The following RIMS2 variants were observed in gnomAD, a reference collection of about 807,000 sequenced individuals.
RIMS2 encodes the protein regulating synaptic membrane exocytosis protein 2.
In RIMS2, 59 loss-of-function variants were observed where a neutral mutation model predicts 174.4. The observed-to-expected ratio is 0.34, with a 90% CI of 0.27 to 0.42. RIMS2 has a LOEUF of 0.42. Ranked by LOEUF, RIMS2 falls within the 10% of genes least tolerant of loss-of-function variation. The pLI is 1.00. For synonymous variants in RIMS2, 606 were observed against 572.5 expected (o/e 1.06, Z -0.84); for missense variants, 1,620 against 1,666.3 (o/e 0.97, Z 0.48).
intron 1 of RIMS2, among the ~76,000 whole-genome samples, chr8:103,673,780 T>A (rs2096774992): frequency 6.6e-6 from 1 of 152,238 alleles, no homozygotes; most frequent in South Asian, 2.1e-4. Flanking sequence ...ATATCTCTAG[T>A]AAGTTGTTGC....
chr8:103,817,191 T>C (rs1173918952), intron 3 of RIMS2, among the ~76,000 whole-genome samples: 4 of 152,124 alleles, frequency 2.6e-5, no homozygotes, highest in African/African-American at 9.7e-5. Context: ...TTGAGGTAAA[T>C]GGAAGAAGCC....
intron 1 of RIMS2, among the ~76,000 whole-genome samples, chr8:103,686,651 G>A (rs1590320263): frequency 6.6e-6 from 1 of 152,184 alleles, no homozygotes; most frequent in South Asian, 2.1e-4. Context: ...TATTTGTAAG[G>A]TATTACTCTT....
chr8:103,849,646 C>G (rs570061317), intron 3 of RIMS2, among the ~76,000 whole-genome samples: 1 of 152,000 alleles, frequency 6.6e-6, no homozygotes, highest in East Asian at 1.9e-4. Flanking sequence ...GTGCTACTTT[C>G]CAGTGGAGGT....
At chr8:103,608,502 A>G (rs111557368) in intron 1 of RIMS2, among the ~76,000 whole-genome samples, 204 of 129,578 alleles carry the variant, frequency 1.6e-3, no homozygotes, top group African/African-American at 2.3e-3. Context: ...GGCCTCCTTG[A>G]GCTGTGGTGG....
intron 1 of RIMS2, among the ~76,000 whole-genome samples, chr8:103,506,385 C>T (rs1823622670): frequency 6.6e-6 from 1 of 152,230 alleles, no homozygotes; most frequent in African/African-American, 2.4e-5. Context: ...ACCAGATGAA[C>T]TTTGACTTGA....
intron 1 of RIMS2, among the ~76,000 whole-genome samples, chr8:103,647,671 T>C (rs1834571): frequency 0.81 from 123,528 of 151,976 alleles, 50,712 homozygotes; most frequent in African/African-American, 0.92. Context: ...TGTGTCCAGA[T>C]ATTATTTGTT....
intron 19 of RIMS2, among the ~76,000 whole-genome samples, chr8:104,191,832 T>C (rs946026727): frequency 3.3e-5 from 5 of 152,178 alleles, no homozygotes; most frequent in African/African-American, 1.2e-4. Flanking sequence ...TTTGAATTCC[T>C]GGCCTCAGCC....
intron 19 of RIMS2, among the ~76,000 whole-genome samples, chr8:104,024,398 G>GAT (rs915212025): frequency 1.3e-5 from 2 of 152,142 alleles, no homozygotes; most frequent in African/African-American, 4.8e-5. Context: ...AATTCTGGAG[G>GAT]ATAACTACCT....
chr8:103,509,166 A>C (rs1244266905), intron 1 of RIMS2, among the ~76,000 whole-genome samples: 2 of 152,118 alleles, frequency 1.3e-5, no homozygotes, highest in African/African-American at 4.8e-5. Context: ...AAGAAAGGAC[A>C]AAGAACAAAG....
intron 1 of RIMS2, among the ~76,000 whole-genome samples, chr8:103,576,146 T>TAGCCAGCCTTCCC (rs1431290024): frequency 6.6e-6 from 1 of 152,200 alleles, no homozygotes; most frequent in African/African-American, 2.4e-5. Context: ...CATGAATCCC[T>TAGCCAGCCTTCCC]AGCCAGCCTT....
At chr8:103,650,304 CT>C (rs542125884) in intron 1 of RIMS2, among the ~76,000 whole-genome samples, 1 of 152,078 alleles carries the variant, frequency 6.6e-6, no homozygotes, top group South Asian at 2.1e-4. Flanking sequence ...TTTCTGGAAG[CT>C]TTTTTTCAGT....
intron 3 of RIMS2, among the ~76,000 whole-genome samples, chr8:103,797,405 T>C (rs917745661): frequency 6.6e-6 from 1 of 152,206 alleles, no homozygotes; most frequent in African/African-American, 2.4e-5. Flanking sequence ...CAAGTTAAGG[T>C]TCTAGAAATG....
At chr8:103,680,783 C>A (rs1209347883) in intron 1 of RIMS2, among the ~76,000 whole-genome samples, 1 of 151,796 alleles carries the variant, frequency 6.6e-6, no homozygotes, top group Non-Finnish European at 1.5e-5. Context: ...AATGGGACAT[C>A]AATTAATACC....
intron 19 of RIMS2, among the ~76,000 whole-genome samples, chr8:104,194,079 G>A (rs1028986886): frequency 9.2e-5 from 14 of 152,172 alleles, no homozygotes; most frequent in Middle Eastern, 3.4e-3. Flanking sequence ...CAATGGCTAC[G>A]TTATTTTTCA....
intron 19 of RIMS2, among the ~76,000 whole-genome samples, chr8:104,123,340 G>A (rs1419415283): frequency 6.6e-6 from 1 of 151,848 alleles, no homozygotes. Context: ...CTGGTACACA[G>A]AAAAATCATC....
At chr8:103,815,774 C>G (rs957562603) in intron 3 of RIMS2, among the ~76,000 whole-genome samples, 1 of 152,008 alleles carries the variant, frequency 6.6e-6, no homozygotes, top group South Asian at 2.1e-4. Context: ...ATTCAGGTAC[C>G]AGTAATTTGA....
chr8:103,630,369 T>A (rs1354907457), intron 1 of RIMS2, among the ~76,000 whole-genome samples: 1 of 151,730 alleles, frequency 6.6e-6, no homozygotes, highest in Non-Finnish European at 1.5e-5. Flanking sequence ...CCTTCAAGAG[T>A]TAAGGTGAAA....
intron 14 of RIMS2, among the ~76,000 whole-genome samples, chr8:103,959,340 A>AT (rs1274906303): frequency 6.6e-6 from 1 of 151,994 alleles, no homozygotes; most frequent in African/African-American, 2.4e-5. Context: ...TGTTATTACT[A>AT]TTTTTATACT....
chr8:103,784,926 G>A (rs1386330206), intron 3 of RIMS2, among the ~76,000 whole-genome samples: 2 of 138,342 alleles, frequency 1.4e-5, no homozygotes, highest in Admixed American at 7.3e-5. Context: ...CCATTTGTTT[G>A]TATCCTCTTT....
Sources: gnomAD v4.1 joint callset for allele counts (sites outside exome capture counted in the v4.1 genomes callset) on GRCh38, gnomAD v4.1.1 for gene constraint, MANE v1.5 for transcripts, NCBI Gene and HGNC (gene_info 2026-07-23, HGNC 2026-07-21) for gene names.